The following RBFOX1 variants were observed in gnomAD, a reference collection of about 807,000 sequenced individuals.
RBFOX1 encodes RNA binding protein fox-1 homolog 1.
RBFOX1 carries 8 observed loss-of-function variants against 57.7 expected under a neutral mutation model. That is an observed-to-expected ratio of 0.14 (90% CI 0.08 to 0.25). The LOEUF is 0.25. Among genes scored for constraint, RBFOX1 ranks in the 10% least tolerant of loss-of-function variants. RBFOX1 has a pLI of 1.00. For synonymous variants in RBFOX1, 326 were observed against 222.4 expected (o/e 1.47, Z -4.15); for missense variants, 611 against 548.5 (o/e 1.11, Z -1.14).
intron 5 of RBFOX1, among the ~76,000 whole-genome samples, chr16:7,544,705 C>G (rs185936338): frequency 2.0e-5 from 3 of 152,284 alleles, no homozygotes; most frequent in African/African-American, 7.2e-5. Context: ...GATTACCTTT[C>G]TTTTATTTTA....
chr16:6,921,091 G>T (rs148257714), intron 3 of RBFOX1, among the ~76,000 whole-genome samples: 1 of 152,114 alleles, frequency 6.6e-6, no homozygotes, highest in African/African-American at 2.4e-5. Context: ...TGCACCATTC[G>T]TTAGCTTTGT....
Position 6,663,979 on chromosome 16 carries a change from G to A in RBFOX1, c.-16+9329G>A, listed in dbSNP as rs1190664146. On this transcript the variant is annotated intron_variant, in intron 3 of 15. Coordinates refer to ENST00000550418, the MANE Select transcript of RBFOX1 (RefSeq NM_018723.4). ...AAGGCTAATCCACCTGAAACCTTTT[G>A]ACCAGGAAGAGTATTATGTCCTTTA... Among the ~76,000 whole-genome samples the A allele has an allele frequency of 2.0e-5, 3 of 152,200 alleles. No individual in the cohort carries two copies. The South Asian group carries it at 6.2e-4, about 31-fold the overall frequency.
At chr16:6,817,299 T>C (rs2090290792) in intron 3 of RBFOX1, among the ~76,000 whole-genome samples, 2 of 152,100 alleles carry the variant, frequency 1.3e-5, no homozygotes, top group African/African-American at 2.4e-5. Flanking sequence ...TTCAAACACA[T>C]TTAACCAAAG....
At chr16:6,825,091 G>C (rs535847106) in intron 3 of RBFOX1, among the ~76,000 whole-genome samples, 2 of 137,616 alleles carry the variant, frequency 1.5e-5, no homozygotes, top group African/African-American at 5.5e-5. Context: ...CTGTCACCCT[G>C]GTTCAAACAA....
intron 2 of RBFOX1, among the ~76,000 whole-genome samples, chr16:6,362,088 T>G: frequency 6.6e-6 from 1 of 152,158 alleles, no homozygotes; most frequent in South Asian, 2.1e-4. Flanking sequence ...ACGTGGCAAT[T>G]ATAACACATG....
chr16:7,101,642 G>C lies in RBFOX1; in HGVS notation c.27+49544G>C, dbSNP rs554802963. Among the ~76,000 whole-genome samples the C allele has an allele frequency of 4.5e-4, 68 of 152,222 alleles. No individual in the cohort carries two copies. In the South Asian group the frequency reaches 5.6e-3, roughly 13 times the overall value. ...AAGGTTACTAGCAGGTTATTCAAAG[G>C]TACTTTTTTTGAAGGCAAGATTTTA... On this transcript the variant is annotated intron_variant, in intron 4 of 15. Coordinates refer to ENST00000550418, the MANE Select transcript of RBFOX1 (RefSeq NM_018723.4).
At chr16:5,673,221 C>G (rs1030012086) in intron 3 of RBFOX1, among the ~76,000 whole-genome samples, 1 of 152,006 alleles carries the variant, frequency 6.6e-6, no homozygotes, top group Non-Finnish European at 1.5e-5. Context: ...AAGTAGAAGT[C>G]ACAGAGAAGG....
chr16:5,729,621 C>A (rs977539160), intron 3 of RBFOX1, among the ~76,000 whole-genome samples: 1 of 152,030 alleles, frequency 6.6e-6, no homozygotes, highest in East Asian at 1.9e-4. Context: ...ACTAAGCTCA[C>A]CTGTATCTCT....
rs565844529 is a variant in RBFOX1 at position 5,625,262 on chromosome 16, T to A, written c.318+26301T>A. On this transcript the variant is annotated intron_variant, in intron 3 of 19. Transcript: ENST00000641259. ...GATCTGTAGCAGGACCTGGGCGTGG[T>A]AGGGGCGTAGGAAGCATTTGTTGAA... 1.2e-4 allele frequency among the ~76,000 whole-genome samples: 19 copies of A among 152,040 alleles called. No individual in the cohort carries two copies. In the East Asian group the frequency reaches 3.7e-3, roughly 29 times the overall value.
chr16:7,325,866 T>A (rs1006881427), intron 4 of RBFOX1, among the ~76,000 whole-genome samples: 6 of 152,186 alleles, frequency 3.9e-5, no homozygotes, highest in African/African-American at 1.4e-4. Flanking sequence ...TTTCTTGCGG[T>A]CCATGCTAGG....
intron 4 of RBFOX1, among the ~76,000 whole-genome samples, chr16:7,476,219 C>T (rs1188653628): frequency 6.6e-6 from 1 of 152,172 alleles, no homozygotes; most frequent in Non-Finnish European, 1.5e-5. Flanking sequence ...ATGATCCTCC[C>T]ACCTAGGCCT....
rs947395254 is a variant in RBFOX1 at position 7,643,203 on chromosome 16, G to C, written c.758-10612G>C. On this transcript the variant is annotated intron_variant, in intron 11 of 15. Transcript: ENST00000550418. ...CAAAGAATATTCATGTGTGTGAATG[G>C]TGTGTGTGTCTTTTGCTGTTGCTTT... is the stretch of plus-strand genomic sequence containing the variant. 2.6e-5 allele frequency among the ~76,000 whole-genome samples: 4 copies of C among 152,294 alleles called. No individual in the cohort carries two copies. The East Asian group carries it at 5.8e-4, about 22-fold the overall frequency.
chr16:5,334,336 C>A (rs1596553196), intron 1 of RBFOX1, among the ~76,000 whole-genome samples: 1 of 152,010 alleles, frequency 6.6e-6, no homozygotes, highest in Non-Finnish European at 1.5e-5. Context: ...AGGCTGATGC[C>A]CTTTGGGTTG....
chr16:5,665,875 T>C (rs977418669), intron 3 of RBFOX1, among the ~76,000 whole-genome samples: 4 of 152,204 alleles, frequency 2.6e-5, no homozygotes, highest in Admixed American at 2.6e-4. Flanking sequence ...TAGGTGCTGT[T>C]TTCAGCAGGC....
At chr16:6,946,301 G>T (rs1010908640) in intron 3 of RBFOX1, among the ~76,000 whole-genome samples, 1 of 152,220 alleles carries the variant, frequency 6.6e-6, no homozygotes, top group Non-Finnish European at 1.5e-5. Context: ...GTGTGGCTGT[G>T]TTCCAATAAA....
At chr16:7,696,701 A>T (rs2078917351) in intron 14 of RBFOX1, among the ~76,000 whole-genome samples, 1 of 152,168 alleles carries the variant, frequency 6.6e-6, no homozygotes. Flanking sequence ...ATAAGCAGAT[A>T]ATATATATGC....
intron 3 of RBFOX1, among the ~76,000 whole-genome samples, chr16:5,666,181 C>T (rs933596352): frequency 1.1e-4 from 16 of 152,210 alleles, no homozygotes; most frequent in Non-Finnish European, 2.4e-4. Flanking sequence ...GATACGGAGG[C>T]AGCTGGGAAG....
At chr16:6,800,217 A>T (rs936721144) in intron 3 of RBFOX1, among the ~76,000 whole-genome samples, 1 of 145,908 alleles carries the variant, frequency 6.9e-6, no homozygotes, top group Non-Finnish European at 1.5e-5. Context: ...TTCCTGCCTC[A>T]TAACCATGTC....
chr16:6,156,915 C>A (rs906902031), intron 1 of RBFOX1, among the ~76,000 whole-genome samples: 1 of 152,132 alleles, frequency 6.6e-6, no homozygotes, highest in African/African-American at 2.4e-5. Flanking sequence ...TTATGGTTCA[C>A]CATAGCCCCG....
Sources: gnomAD v4.1 joint callset for allele counts (sites outside exome capture counted in the v4.1 genomes callset) on GRCh38, gnomAD v4.1.1 for gene constraint, MANE v1.5 for transcripts, NCBI Gene and HGNC (gene_info 2026-07-23, HGNC 2026-07-21) for gene names.